The following APPL2 variants were observed in gnomAD, a reference collection of about 807,000 sequenced individuals.
The protein encoded by APPL2 is DCC-interacting protein 13-beta.
In APPL2, 84 loss-of-function variants were observed where a neutral mutation model predicts 92.7. That is an observed-to-expected ratio of 0.91 (90% CI 0.76 to 1.09). APPL2 has a LOEUF of 1.09. Among genes scored for constraint, APPL2 ranks in the 50% least tolerant of loss-of-function variants. The pLI, the probability that APPL2 is intolerant of heterozygous loss-of-function variation, is 0.00. For synonymous variants in APPL2, 291 were observed against 291.0 expected (o/e 1.00, Z 0.00); for missense variants, 736 against 824.5 (o/e 0.89, Z 1.31).
intron 17 of APPL2, among the ~76,000 whole-genome samples, chr12:105,185,019 G>C (rs1379508254): frequency 6.6e-6 from 1 of 152,154 alleles, no homozygotes; most frequent in Non-Finnish European, 1.5e-5. Flanking sequence ...GGCAGGCTCA[G>C]CCCAGTATGA....
chr12:105,184,324 T>C (rs982086084), intron 17 of APPL2, among the ~76,000 whole-genome samples: 10 of 152,200 alleles, frequency 6.6e-5, no homozygotes, highest in Admixed American at 3.9e-4. Flanking sequence ...TGTGATCCTT[T>C]GGAGGAGGAG....
Position 105,202,754 on chromosome 12 carries a change from A to G in APPL2, c.704+949T>C, listed in dbSNP as rs183303511. Among the ~76,000 whole-genome samples the G allele has an allele frequency of 1.2e-3, 182 of 152,340 alleles. 1 individual carries two copies. The highest frequency in any genetic ancestry group is 3.4e-3 in the Middle Eastern group (1 of 294). On this transcript the variant is annotated intron_variant, in intron 9 of 20. Coordinates refer to ENST00000258530, the MANE Select transcript of APPL2 (RefSeq NM_018171.5). ...TGCTGCCAATTATTCAGAGCTAAAC[A>G]GCTCAGTGACTTTCAGGTAGGGGTA...
intron 14 of APPL2, among the ~76,000 whole-genome samples, chr12:105,193,708 CCT>C (rs1887416593): frequency 6.6e-6 from 1 of 152,058 alleles, no homozygotes; most frequent in African/African-American, 2.4e-5. Context: ...GGACTTGTTG[CCT>C]CTTTCTCCTC....
intron 9 of APPL2, 130 bp from the exon 10 acceptor site, chr12:105,199,661 A>G: frequency 1.1e-6 from 1 of 944,540 alleles, no homozygotes; most frequent in Non-Finnish European, 1.6e-6. Context: ...AGCCTCCTAC[A>G]GGGCCACAAC....
At chr12:105,176,731 CCTT>C (rs1885580360) in intron 19 of APPL2, 142 bp downstream of exon 19, 6 of 1,015,208 alleles carry the variant, frequency 5.9e-6, no homozygotes, top group Non-Finnish European at 8.6e-6. Flanking sequence ...TTCAGTGAGG[CCTT>C]CTTAGGAGGT....
At position 105,185,310 on chromosome 12, in the gene APPL2, A is replaced by C. The variant is rs185636107; in HGVS notation, c.1634+2963T>G. On this transcript the variant is annotated intron_variant, in intron 17 of 20. Coordinates refer to ENST00000258530, the MANE Select transcript of APPL2 (RefSeq NM_018171.5). ...TTCAGACGCCACTGGGGTGCGAAAA[A>C]AATTCTCCTGCAGCTAGCTCAGTGT... is the stretch of plus-strand genomic sequence containing the variant. Among the ~76,000 whole-genome samples the C allele has an allele frequency of 2.0e-5, 3 of 152,194 alleles. No homozygotes were observed. The East Asian group carries it at 5.8e-4, about 29-fold the overall frequency.
In APPL2 at chr12:105,174,445, G is replaced by A. The variant is rs1223053605; in HGVS notation, c.1864C>T (p.Pro622Ser). ...GKEIIEVQKD[P>S]EALAQLMLSI... Reference sequence around the variant, plus strand: ...AGCATTAATTGAGCCAGTGCTTCTGGATCCTGAAGTTAGGAGAGTTTAAAA... The same window carrying A: ...AGCATTAATTGAGCCAGTGCTTCTGAATCCTGAAGTTAGGAGAGTTTAAAA... The change falls in exon 21 of 21, where the codon CCA becomes TCA. Residue 622 changes from proline to serine, a missense_variant. By Grantham distance (74) the Pro-to-Ser change is moderately conservative (BLOSUM62 -1). Transcript: ENST00000258530. 6.2e-7 allele frequency: 1 copy of A among 1,612,316 alleles called. No homozygotes were observed. Among genetic ancestry groups the A allele is most frequent in the Admixed American group, 1.7e-5 (1 of 59,748 alleles).
At chr12:105,175,503 T>C (rs1190351123) in intron 20 of APPL2, among the ~76,000 whole-genome samples, 3 of 152,364 alleles carry the variant, frequency 2.0e-5, no homozygotes, top group African/African-American at 4.8e-5. Flanking sequence ...ATTTCCATTA[T>C]TGCAGAAAGT....
At chr12:105,206,709 G>C (rs938742737) in intron 8 of APPL2, 2 of 198,192 alleles carry the variant, frequency 1.0e-5, no homozygotes, top group Non-Finnish European at 2.1e-5. Context: ...GGGAATCCTG[G>C]GTGACAGGCA....
intron 1 of APPL2, 100 bp from the exon 2 acceptor site, chr12:105,229,323 C>A: frequency 8.9e-7 from 1 of 1,121,292 alleles, no homozygotes; most frequent in South Asian, 1.5e-5. Context: ...AACCAGAATG[C>A]GAGGAAAGAA....
At chr12:105,233,449 G>C (rs1891061633) in intron 1 of APPL2, 2 of 972,024 alleles carry the variant, frequency 2.1e-6, no homozygotes, top group South Asian at 9.5e-5. Context: ...TCCATGAATA[G>C]ATGTGTCTAA....
intron 2 of APPL2, among the ~76,000 whole-genome samples, chr12:105,224,647 T>C (rs1385485430): frequency 6.6e-6 from 1 of 152,246 alleles, no homozygotes; most frequent in Non-Finnish European, 1.5e-5. Context: ...CTCCCCTCTG[T>C]TGTGAAAGCT....
chr12:105,181,998 T>C (rs933322032), intron 17 of APPL2, among the ~76,000 whole-genome samples: 1 of 152,214 alleles, frequency 6.6e-6, no homozygotes, highest in African/African-American at 2.4e-5. Context: ...TCTTGTCTTC[T>C]GCTAGCTTTT....
chr12:105,195,157 G>A, intron 14 of APPL2, 104 bp downstream of exon 14: 2 of 1,177,940 alleles, frequency 1.7e-6, no homozygotes, highest in Middle Eastern at 2.1e-4. Flanking sequence ...TAAACAGGCT[G>A]AAAAACATGC....
rs113499348 is a variant in APPL2, at chr12:105,176,720, T to C, written c.1812+156A>G. 6.3e-4 allele frequency: 596 copies of C among 944,454 alleles called. 1 individual carries two copies. The African/African-American group carries it at 7.6e-3, about 12-fold the overall frequency. 58.5% of individuals were successfully genotyped at this position (944,454 alleles called of 1,614,324 possible). A position where few individuals can be genotyped will look rare whatever the true frequency, so the allele number is the denominator to read the frequency against. ...ACAGAGAAATTTAAATCGAGTTTTC[T>C]TTCAGTGAGGCCTTCTTAGGAGGTA... On this transcript the variant is annotated intron_variant, in intron 19 of 20. Transcript: ENST00000258530.
intron 4 of APPL2, among the ~76,000 whole-genome samples, chr12:105,212,167 C>T (rs368955207): frequency 6.6e-6 from 1 of 150,438 alleles, no homozygotes; most frequent in African/African-American, 2.4e-5. Context: ...ACAACTCTGC[C>T]AGATTTCAGA....
chr12:105,177,565 A>AT (rs1885676942), intron 17 of APPL2: 1 of 382,600 alleles, frequency 2.6e-6, no homozygotes, highest in Admixed American at 3.9e-5. Flanking sequence ...CTGCTATATA[A>AT]TATGGATGGA....
chr12:105,199,480 TTGC>T lies in APPL2; in HGVS notation c.753_755del (p.Gln252del). ...CAGATTCATCAACAGAAAGTAATTC[TTGC>T]TGGGACACCCGCATCTTTTCCGCCT... On this transcript the variant is annotated inframe_deletion, in exon 10 of 21. Coordinates refer to ENST00000258530, the MANE Select transcript of APPL2 (RefSeq NM_018171.5). The T allele has an allele frequency of 8.1e-6, 13 of 1,614,140 alleles. No individual in the cohort carries two copies. Among genetic ancestry groups the T allele is most frequent in the Non-Finnish European group, 8.5e-6 (10 of 1,180,032 alleles).
intron 20 of APPL2, among the ~76,000 whole-genome samples, chr12:105,175,522 T>C (rs776289226): frequency 1.3e-5 from 2 of 152,234 alleles, no homozygotes; most frequent in East Asian, 1.9e-4. Context: ...GTTCTGTACA[T>C]TGCTGAACTA....
Sources: gnomAD v4.1 joint callset for allele counts (sites outside exome capture counted in the v4.1 genomes callset) on GRCh38, gnomAD v4.1.1 for gene constraint, MANE v1.5 for transcripts, NCBI Gene and HGNC (gene_info 2026-07-23, HGNC 2026-07-21) for gene names.